MUC4: variants seen among roughly 807,000 people sequenced by gnomAD.
MUC4 encodes mucin-4.
In MUC4, 202 loss-of-function variants were observed where a neutral mutation model predicts 257.9. The ratio of observed to expected loss-of-function variants is 0.78; its 90% confidence interval spans 0.70 to 0.88. The LOEUF (loss-of-function observed/expected upper bound fraction) is 0.88, where lower values mean the gene tolerates loss of function less well. Among genes scored for constraint, MUC4 ranks in the 40% least tolerant of loss-of-function variants. The probability of loss-of-function intolerance (pLI) is 0.00; values close to 1 mark genes in which losing one functional copy is unlikely to be tolerated. For missense variants in MUC4, 5,976 were observed against 6,513.7 expected (o/e 0.92, Z 2.84); for synonymous variants, 2,351 against 2,757.1 (o/e 0.85, Z 4.62).
At position 195,757,458 on chromosome 3, in the gene MUC4, T is replaced by A; in HGVS notation, c.14987-130A>T. ...CTCCCCAGACAAATCTCATTGGTCA[T>A]TTCCTTTGAGCAAGGCTGGTATCGG... On this transcript the variant is annotated intron_variant, in intron 17 of 24. Transcript: ENST00000463781. The surrounding 1 kb of genome is among the most constrained non-coding windows in gnomAD (Gnocchi z 4.8). The A allele has an allele frequency of 1.2e-6, 1 of 866,480 alleles. No homozygotes were observed. The highest frequency in any genetic ancestry group is 1.8e-6 in the Non-Finnish European group (1 of 571,230). The allele number at this position is 866,480 out of a possible 1,614,324, so 53.7% of individuals were successfully genotyped here. A position where few individuals can be genotyped will look rare whatever the true frequency, so the allele number is the denominator to read the frequency against.
In MUC4 at chr3:195,771,824, C is replaced by T. The variant is rs766261486; in HGVS notation, c.13078-8G>A. On this transcript the variant is annotated splice_region_variant and splice_polypyrimidine_tract_variant and intron_variant, in intron 4 of 24. Coordinates refer to ENST00000463781, the MANE Select transcript of MUC4 (RefSeq NM_018406.7). ...CTGGCCATTGTCTGTGAACTGAGCA[C>T]ATGGGTTTTGTGGTCAGCATTCAGG... 4 of 1,612,962 alleles carry T rather than the reference C, an allele frequency of 2.5e-6. No homozygotes were observed. Among genetic ancestry groups the T allele is most frequent in the Admixed American group, 1.7e-5 (1 of 59,954 alleles).
At position 195,746,983 on chromosome 3, in the gene MUC4, A is replaced by G. The variant is rs1715157967; in HGVS notation, c.*193T>C. 1.2e-6 allele frequency: 1 copy of G among 808,874 alleles called. No homozygotes were observed. Among genetic ancestry groups the G allele is most frequent in the South Asian group, 1.8e-5 (1 of 54,914 alleles). The allele number at this position is 808,874 out of a possible 1,614,324, so 50.1% of individuals were successfully genotyped here. A position where few individuals can be genotyped will look rare whatever the true frequency, so the allele number is the denominator to read the frequency against. ...ACCCATCCATGCATGTTTGATCTTT[A>G]TGGCCTCCCCCTGTGCACCTGCGCC... On this transcript the variant is annotated 3_prime_UTR_variant, in exon 25 of 25. Transcript: ENST00000463781.
intron 10 of MUC4, 124 bp from the exon 11 acceptor site, chr3:195,764,288 CGGTGTTGGTGG>C: frequency 2.7e-6 from 3 of 1,098,724 alleles, no homozygotes; most frequent in South Asian, 1.6e-5. Context: ...CAGGGCAGGG[CGGTGTTGGTGG>C]AGAGCTTGGC....
chr3:195,748,112 C>T (rs1365793862), intron 24 of MUC4, among the ~76,000 whole-genome samples: 1 of 152,274 alleles, frequency 6.6e-6, no homozygotes, highest in Non-Finnish European at 1.5e-5. Context: ...GCCGCGGCTT[C>T]CTGCGCTGTT....
chr3:195,780,176 A>T lies in MUC4; in HGVS notation c.11404T>A (p.Ser3802Thr), dbSNP rs1560307002. ...PLPVTDTSSASTGQATPLPVT... is the reference protein window; with the variant it reads ...PLPVTDTSSATTGQATPLPVT... ...GGAAGAGGGGTGGCCTGACCTGTGG[A>T]TGCTGAGGAAGTGTCGGTGACAGGA... The change falls in exon 2 of 25, where the codon TCC becomes ACC. Residue 3802 changes from serine (S) to threonine (T), a missense_variant. By Grantham distance (58) the Ser-to-Thr change is moderately conservative. Transcript: ENST00000463781. The T allele has an allele frequency of 2.7e-6, 4 of 1,497,984 alleles. No homozygotes were observed. The highest frequency in any genetic ancestry group is 1.8e-6 in the Non-Finnish European group (2 of 1,104,758). 92.8% of individuals were successfully genotyped at this position (1,497,984 alleles called of 1,614,324 possible). A position where few individuals can be genotyped will look rare whatever the true frequency, so the allele number is the denominator to read the frequency against.
At position 195,788,708 on chromosome 3, in the gene MUC4, A is replaced by G. The variant is rs1733396153; in HGVS notation, c.2872T>C (p.Ser958Pro). 6.2e-7 allele frequency: 1 copy of G among 1,611,804 alleles called. No individual in the cohort carries two copies. The highest frequency in any genetic ancestry group is 8.5e-7 in the Non-Finnish European group (1 of 1,179,776). Residue 958 changes from serine (S) to proline (P), a missense_variant, in exon 2 of 25, where the codon TCA (serine) becomes CCA (proline). This residue lies in a region of MUC4 where 1,583 missense variants were observed against 1,257.4 expected (regional missense o/e 1.26). Transcript: ENST00000463781. ...TSPQTETHTL[S>P]PSGSGKTFTT... ...AAGGTTTTACCAGACCCTGAAGGTGACAGAGTGTGGGTCTCGGTTTGTGGA... is the reference window on the plus strand; with the variant it reads ...AAGGTTTTACCAGACCCTGAAGGTGGCAGAGTGTGGGTCTCGGTTTGTGGA...
chr3:195,762,299 C>A (rs1425098723), intron 13 of MUC4, 45 bp from the exon 14 acceptor site: 1 of 1,524,830 alleles, frequency 6.6e-7, no homozygotes, highest in Non-Finnish European at 8.8e-7. Flanking sequence ...GTCGGCACCA[C>A]GGCCCGCACC....
intron 1 of MUC4, among the ~76,000 whole-genome samples, chr3:195,808,336 C>T (rs1345476651): frequency 6.6e-6 from 1 of 152,166 alleles, no homozygotes; most frequent in Non-Finnish European, 1.5e-5. Flanking sequence ...CTACCTCAGC[C>T]TCCCGAGTAG....
In MUC4 at chr3:195,779,580, A is replaced by C; in HGVS notation, c.12000T>G (p.Pro4000=). Residue 4000 remains proline (P), a synonymous_variant, in exon 2 of 25, where the codon CCT becomes CCG. Coordinates refer to ENST00000463781, the MANE Select transcript of MUC4 (RefSeq NM_018406.7). ...CTGAGGAAGTGCTGGTGACAGGAAG[A>C]GGGGTGGCGTGACCTGTGGATACTG... ...TSSVSTGHAT[P]LPVTSTSSVS... The C allele has an allele frequency of 6.9e-7, 1 of 1,441,250 alleles. No individual in the cohort carries two copies. The highest frequency in any genetic ancestry group is 1.8e-5 in the African/African-American group (1 of 56,936). 89.3% of individuals were successfully genotyped at this position (1,441,250 alleles called of 1,614,324 possible).
chr3:195,804,943 C>T (rs1205764555), intron 1 of MUC4, among the ~76,000 whole-genome samples: 3 of 152,254 alleles, frequency 2.0e-5, no homozygotes, highest in Admixed American at 6.5e-5. Flanking sequence ...GCGCCTGAAA[C>T]GAGACTTGGC....
chr3:195,764,547 G>A (rs1719996963), intron 10 of MUC4, among the ~76,000 whole-genome samples: 1 of 152,062 alleles, frequency 6.6e-6, no homozygotes, highest in Non-Finnish European at 1.5e-5. Context: ...GAGTGGGGAG[G>A]GCACGGCTGA....
At chr3:195,770,919 C>T in intron 5 of MUC4, 1 of 455,588 alleles carries the variant, frequency 2.2e-6, no homozygotes, top group Non-Finnish European at 4.4e-6. Context: ...AATTGTCAGC[C>T]CCCATCCCCC....
chr3:195,791,166 T>TA lies in MUC4; in HGVS notation c.413dup (p.Thr139AsnfsTer22). 6.2e-7 allele frequency: 1 copy of TA among 1,613,950 alleles called. No individual in the cohort carries two copies. Among genetic ancestry groups the TA allele is most frequent in the Non-Finnish European group, 8.5e-7 (1 of 1,179,880 alleles). On this transcript the variant is annotated frameshift_variant, in exon 2 of 25. Transcript: ENST00000463781. LOFTEE classifies it high-confidence loss of function. The stretch of plus-strand genomic sequence containing the variant: ...TGGAGTCTGTGGAGGTTGTCATTGT[T>TA]ATAGTCTTTGATGTCATCATGAGTG...
chr3:195,806,074 C>T (rs1735951675), intron 1 of MUC4, among the ~76,000 whole-genome samples: 1 of 152,164 alleles, frequency 6.6e-6, no homozygotes, highest in Admixed American at 6.5e-5. Context: ...CGAGATAACG[C>T]CACAGCACTT....
chr3:195,809,365 G>T (rs910589518), intron 1 of MUC4, among the ~76,000 whole-genome samples: 1 of 152,188 alleles, frequency 6.6e-6, no homozygotes, highest in Non-Finnish European at 1.5e-5. Context: ...CCCCTTCAGG[G>T]AGCCAAAAGG....
chr3:195,765,882 G>A (rs1720351737), intron 8 of MUC4, among the ~76,000 whole-genome samples: 2 of 152,062 alleles, frequency 1.3e-5, no homozygotes, highest in Admixed American at 6.6e-5. Flanking sequence ...TTTGTTTCTG[G>A]CTGTTAGCAC....
intron 13 of MUC4, 47 bp downstream of exon 13, chr3:195,762,808 C>T (rs1026012957): frequency 1.6e-5 from 23 of 1,479,672 alleles, no homozygotes; most frequent in Non-Finnish European, 1.8e-5. Context: ...CCGCCCACCT[C>T]GCTGCTCCCG....
chr3:195,764,849 G>T, intron 10 of MUC4, 148 bp downstream of exon 10: 2 of 1,159,974 alleles, frequency 1.7e-6, no homozygotes, highest in Non-Finnish European at 2.5e-6. Context: ...CCGCTGGTGG[G>T]GATGTTGGAA....
At chr3:195,751,558 C>T (rs1392981372) in intron 21 of MUC4, 13 of 549,894 alleles carry the variant, frequency 2.4e-5, no homozygotes, top group African/African-American at 9.5e-5. Context: ...CCCTACCTTG[C>T]CTCTGACACA....
Sources: allele counts gnomAD v4.1 joint callset (sites outside exome capture counted in the v4.1 genomes callset), GRCh38; gene constraint gnomAD v4.1.1; regional missense constraint gnomAD v4.1.1; non-coding constraint Gnocchi (gnomAD v3.1); transcripts MANE v1.5; gene names NCBI Gene and HGNC (gene_info 2026-07-23, HGNC 2026-07-21).